SNTG1: variants seen among roughly 807,000 people sequenced by gnomAD.
The protein encoded by SNTG1 is gamma-1-syntrophin.
SNTG1 carries 39 observed loss-of-function variants against 74.7 expected under a neutral mutation model. The observed-to-expected ratio is 0.52, with a 90% confidence interval of 0.40 to 0.68. SNTG1 has a LOEUF of 0.68. SNTG1 is among the 30% of genes least tolerant of loss of function. SNTG1 has a pLI of 0.00. For missense variants in SNTG1, 685 were observed against 609.5 expected (o/e 1.12, Z -1.30); for synonymous variants, 254 against 217.1 (o/e 1.17, Z -1.49).
chr8:50,344,847 A>G (rs1417023035), intron 2 of SNTG1, among the ~76,000 whole-genome samples: 1 of 152,214 alleles, frequency 6.6e-6, no homozygotes, highest in Admixed American at 6.5e-5. Context: ...CTGTGACTGT[A>G]TTACAAGATA....
intron 1 of SNTG1, among the ~76,000 whole-genome samples, chr8:50,125,642 C>A (rs758244533): frequency 7.1e-6 from 1 of 141,336 alleles, no homozygotes; most frequent in Non-Finnish European, 1.6e-5. Flanking sequence ...AAGAACGGTG[C>A]GAGCTCTGTG....
intron 10 of SNTG1, among the ~76,000 whole-genome samples, chr8:50,532,592 A>G (rs1585597110): frequency 6.6e-6 from 1 of 152,206 alleles, no homozygotes; most frequent in African/African-American, 2.4e-5. Context: ...CTGCAATGGT[A>G]ATCAGACCGT....
intron 9 of SNTG1, among the ~76,000 whole-genome samples, chr8:50,519,819 G>C (rs1404787348): frequency 2.0e-5 from 3 of 152,036 alleles, no homozygotes; most frequent in Non-Finnish European, 4.4e-5. Context: ...CAATCAATTT[G>C]AAAAACATTC....
intron 2 of SNTG1, among the ~76,000 whole-genome samples, chr8:50,339,373 A>G (rs1242339715): frequency 6.6e-6 from 1 of 152,026 alleles, no homozygotes; most frequent in Non-Finnish European, 1.5e-5. Context: ...ATTAAAAAAT[A>G]AATAAAAACA....
At chr8:50,318,497 C>A (rs545972805) in intron 2 of SNTG1, among the ~76,000 whole-genome samples, 2 of 152,318 alleles carry the variant, frequency 1.3e-5, no homozygotes, top group East Asian at 3.9e-4. Context: ...TGCCCTCCAT[C>A]ACTTCACAGC....
chr8:50,189,676 T>G (rs539693475), intron 2 of SNTG1, among the ~76,000 whole-genome samples: 1 of 152,298 alleles, frequency 6.6e-6, no homozygotes, highest in Non-Finnish European at 1.5e-5. Flanking sequence ...CACACAGACC[T>G]CTGTGTCAAG....
At chr8:50,602,895 A>T (rs1279451001) in intron 13 of SNTG1, among the ~76,000 whole-genome samples, 4 of 145,318 alleles carry the variant, frequency 2.8e-5, no homozygotes, top group Non-Finnish European at 6.0e-5. Context: ...CTCCACTGTA[A>T]GGTATTTTTT....
intron 2 of SNTG1, among the ~76,000 whole-genome samples, chr8:50,213,612 A>T (rs1183623298): frequency 6.6e-6 from 1 of 151,924 alleles, no homozygotes; most frequent in African/African-American, 2.4e-5. Context: ...CTTTTTAATG[A>T]TTGCCATTCT....
intron 6 of SNTG1, 56 bp downstream of exon 6, chr8:50,449,781 G>A (rs1283107753): frequency 1.4e-6 from 2 of 1,402,908 alleles, no homozygotes; most frequent in South Asian, 1.5e-5. Context: ...TGTTTTTGAA[G>A]TGTGAGATGA....
At chr8:50,103,847 A>G (rs917832744) in intron 1 of SNTG1, among the ~76,000 whole-genome samples, 1 of 152,144 alleles carries the variant, frequency 6.6e-6, no homozygotes, top group East Asian at 1.9e-4. Flanking sequence ...GGTTCTGTTT[A>G]TATGCTGGAT....
Position 50,794,171 on chromosome 8 carries a change from A to G in SNTG1, c.*1342A>G, listed in dbSNP as rs1451009486. 6.6e-6 allele frequency: 1 copy of G among 151,856 alleles called. No individual in the cohort carries two copies. Among genetic ancestry groups the G allele is most frequent in the Non-Finnish European group, 1.5e-5 (1 of 67,874 alleles). 9.4% of individuals were successfully genotyped at this position (151,856 alleles called of 1,614,324 possible). Reference sequence around the variant, plus strand: ...ACACATGCTCCCAGGTAAACCAAGTATTATGTGTGTCCTTGTGGAGATAAC... The same window carrying G: ...ACACATGCTCCCAGGTAAACCAAGTGTTATGTGTGTCCTTGTGGAGATAAC... On this transcript the variant is annotated 3_prime_UTR_variant, in exon 19 of 19. Coordinates refer to ENST00000642720, the MANE Select transcript of SNTG1 (RefSeq NM_018967.5).
At chr8:50,501,521 C>T (rs2093955063) in intron 8 of SNTG1, among the ~76,000 whole-genome samples, 3 of 148,696 alleles carry the variant, frequency 2.0e-5, no homozygotes, top group Admixed American at 6.7e-5. Flanking sequence ...CTGCAACCTC[C>T]GCCTCCCAGG....
chr8:50,751,009 A>G (rs2095566061), intron 17 of SNTG1, among the ~76,000 whole-genome samples: 1 of 152,054 alleles, frequency 6.6e-6, no homozygotes, highest in African/African-American at 2.4e-5. Context: ...ATCAGCAACA[A>G]TAGCTTAAAT....
At chr8:50,711,070 C>G (rs562636510) in intron 17 of SNTG1, among the ~76,000 whole-genome samples, 1 of 152,214 alleles carries the variant, frequency 6.6e-6, no homozygotes, top group Admixed American at 6.5e-5. Context: ...AGGAGGAGGA[C>G]AAGCATAAAT....
intron 2 of SNTG1, among the ~76,000 whole-genome samples, chr8:50,306,597 G>A (rs1169098098): frequency 6.6e-6 from 1 of 152,038 alleles, no homozygotes. Flanking sequence ...ATTCTGGTAC[G>A]AGTAAGGTGG....
At chr8:50,751,892 A>G in intron 17 of SNTG1, 109 bp from the exon 18 acceptor site, 2 of 517,866 alleles carry the variant, frequency 3.9e-6, no homozygotes. Flanking sequence ...ATTGGGACAT[A>G]GTACTAACTT....
chr8:50,582,083 G>A (rs2094613787), intron 12 of SNTG1, among the ~76,000 whole-genome samples: 1 of 152,152 alleles, frequency 6.6e-6, no homozygotes, highest in Non-Finnish European at 1.5e-5. Context: ...CAATCATCCA[G>A]TATCTGCAGG....
chr8:49,945,996 A>G, intron 1 of SNTG1, among the ~76,000 whole-genome samples: 1 of 152,212 alleles, frequency 6.6e-6, no homozygotes, highest in Admixed American at 6.5e-5. Context: ...CTTGCTCTCT[A>G]GGTTTTACTA....
intron 4 of SNTG1, among the ~76,000 whole-genome samples, chr8:50,423,244 C>T (rs2093118587): frequency 6.6e-6 from 1 of 152,108 alleles, no homozygotes; most frequent in Non-Finnish European, 1.5e-5. Context: ...AGTGTGAGCA[C>T]CTAACAGAAA....
Sources: gnomAD v4.1 joint callset for allele counts (sites outside exome capture counted in the v4.1 genomes callset) on GRCh38, gnomAD v4.1.1 for gene constraint, MANE v1.5 for transcripts, NCBI Gene and HGNC (gene_info 2026-07-23, HGNC 2026-07-21) for gene names.